Variants in BCL2L1 observed in about 807,000 individuals in gnomAD.
BCL2L1 encodes the protein BCL2 like 1, also known as bcl-2-like protein 1.
In BCL2L1, 1 loss-of-function variant was observed where a neutral mutation model predicts 18.7. The observed-to-expected ratio is 0.05, with a 90% CI of 0.02 to 0.25. The LOEUF (loss-of-function observed/expected upper bound fraction) is 0.25, where lower values mean the gene tolerates loss of function less well. Among genes scored for constraint, BCL2L1 ranks in the 10% least tolerant of loss-of-function variants. The pLI is 1.00. For synonymous variants in BCL2L1, 103 were observed against 122.7 expected (o/e 0.84, Z 1.06); for missense variants, 207 against 304.9 (o/e 0.68, Z 2.39).
intron 2 of BCL2L1, among the ~76,000 whole-genome samples, chr20:31,684,113 T>A (rs2060914753): frequency 6.6e-6 from 1 of 152,114 alleles, no homozygotes; most frequent in East Asian, 1.9e-4. Context: ...CAGTCCAGAA[T>A]GGCCCACAGG....
chr20:31,719,334 A>G (rs578176762), intron 2 of BCL2L1, among the ~76,000 whole-genome samples: 3 of 152,268 alleles, frequency 2.0e-5, no homozygotes, highest in African/African-American at 4.8e-5. Context: ...AGAATAGCCC[A>G]TAACTCCTAC....
intron 2 of BCL2L1, among the ~76,000 whole-genome samples, chr20:31,669,586 C>T (rs1220776172): frequency 2.0e-5 from 3 of 151,758 alleles, no homozygotes; most frequent in Non-Finnish European, 4.4e-5. Flanking sequence ...CCGAGTAGCG[C>T]CTGCCACCAC....
At chr20:31,674,417 A>C (rs2060723244) in intron 2 of BCL2L1, among the ~76,000 whole-genome samples, 1 of 152,200 alleles carries the variant, frequency 6.6e-6, no homozygotes, top group Non-Finnish European at 1.5e-5. Context: ...TACACCAGCA[A>C]TCTGGTTCAG....
At chr20:31,721,190 G>C (rs900711207) in intron 2 of BCL2L1, among the ~76,000 whole-genome samples, 1 of 152,236 alleles carries the variant, frequency 6.6e-6, no homozygotes, top group African/African-American at 2.4e-5. Flanking sequence ...ATTTGGGGGA[G>C]AGAAGCCCAG....
chr20:31,706,391 C>G (rs1231670201), intron 2 of BCL2L1, among the ~76,000 whole-genome samples: 1 of 152,176 alleles, frequency 6.6e-6, no homozygotes, highest in Non-Finnish European at 1.5e-5. Flanking sequence ...GGGAAAGACT[C>G]AGCATTTGCT....
At chr20:31,670,655 A>C (rs147233720) in intron 2 of BCL2L1, among the ~76,000 whole-genome samples, 1 of 152,152 alleles carries the variant, frequency 6.6e-6, no homozygotes, top group Non-Finnish European at 1.5e-5. Flanking sequence ...GGTCATGACA[A>C]CCTTCATTTC....
At chr20:31,689,650 T>C (rs1006294043) in intron 2 of BCL2L1, among the ~76,000 whole-genome samples, 6 of 151,656 alleles carry the variant, frequency 4.0e-5, no homozygotes, top group Non-Finnish European at 8.8e-5. Context: ...AAGACCACTT[T>C]ATCAGGAACT....
intron 2 of BCL2L1, among the ~76,000 whole-genome samples, chr20:31,708,198 A>G (rs2061399745): frequency 6.6e-6 from 1 of 152,168 alleles, no homozygotes; most frequent in Non-Finnish European, 1.5e-5. Context: ...GTGACTTCCC[A>G]TTTGTCACTC....
In BCL2L1 at chr20:31,697,892, G is replaced by GTTTTTTTTTGTTTGTTTGTTTT. The variant is rs1555871506; in HGVS notation, c.564+23762_564+23763insAAAACAAACAAACAAAAAAAAA. On this transcript the variant is annotated intron_variant, in intron 2 of 2. Coordinates refer to ENST00000307677, the MANE Select transcript of BCL2L1 (RefSeq NM_138578.3). The stretch of plus-strand genomic sequence containing the variant: ...AGAATCCTCAGCATGTGCTGTTGCT[G>GTTTTTTTTTGTTTGTTTGTTTT]TTTTTTTTTTTTTGAGACGGAGTCT... Among the ~76,000 whole-genome samples the GTTTTTTTTTGTTTGTTTGTTTT allele has an allele frequency of 9.5e-4, 123 of 129,654 alleles. 4 individuals are homozygous for GTTTTTTTTTGTTTGTTTGTTTT. The highest frequency in any genetic ancestry group is 3.3e-3 in the African/African-American group (102 of 30,512). The allele number at this position is 129,654 out of a possible 152,430, so 85.1% of individuals were successfully genotyped here.
chr20:31,723,922 G>A, upstream of BCL2L1: 1 of 985,438 alleles, frequency 1.0e-6, no homozygotes, highest in Non-Finnish European at 1.2e-6. Flanking sequence ...CCCCTGAAGA[G>A]ACAGGGGAAC....
intron 2 of BCL2L1, among the ~76,000 whole-genome samples, chr20:31,685,483 T>G (rs2060941365): frequency 6.6e-6 from 1 of 152,286 alleles, no homozygotes; most frequent in African/African-American, 2.4e-5. Context: ...CTGTTCTTAT[T>G]GTAAACCACT....
In BCL2L1 at chr20:31,665,852, G is replaced by T; in HGVS notation, c.*97C>A. On this transcript the variant is annotated 3_prime_UTR_variant, in exon 3 of 3. Coordinates refer to ENST00000307677, the MANE Select transcript of BCL2L1 (RefSeq NM_138578.3). ...TGTGATGGGCAGGTGGGCATGGGCT[G>T]CATGTAGTGGTTCTCCTGGTGGCAA... 6.7e-7 allele frequency: 1 copy of T among 1,501,730 alleles called. No homozygotes were observed. Among genetic ancestry groups the T allele is most frequent in the Non-Finnish European group, 9.1e-7 (1 of 1,100,418 alleles). 93.0% of individuals were successfully genotyped at this position (1,501,730 alleles called of 1,614,324 possible). A position where few individuals can be genotyped will look rare whatever the true frequency, so the allele number is the denominator to read the frequency against.
chr20:31,715,420 C>T (rs1011791299), intron 2 of BCL2L1, among the ~76,000 whole-genome samples: 2 of 152,144 alleles, frequency 1.3e-5, no homozygotes, highest in Non-Finnish European at 2.9e-5. Context: ...TTCCCCTTTG[C>T]TGTTTCTTCT....
Position 31,666,090 on chromosome 20 carries a change from C to A in BCL2L1, c.565-4G>T. ...CATAGAGTTCCACAAAAGTATCCTG[C>A]AGGGAGAGAGAAGGAAGGTGCAGTT... On this transcript the variant is annotated splice_region_variant and splice_polypyrimidine_tract_variant and intron_variant, in intron 2 of 2. Transcript: ENST00000307677. The A allele has an allele frequency of 6.2e-7, 1 of 1,613,868 alleles. No homozygotes were observed. The highest frequency in any genetic ancestry group is 8.5e-7 in the Non-Finnish European group (1 of 1,179,902).
At chr20:31,676,046 G>A (rs1034238811) in intron 2 of BCL2L1, among the ~76,000 whole-genome samples, 2 of 152,140 alleles carry the variant, frequency 1.3e-5, no homozygotes, top group African/African-American at 2.4e-5. Flanking sequence ...CTGGGGAATC[G>A]AGAAAGCTAT....
chr20:31,666,669 C>A (rs1045396327), intron 2 of BCL2L1, among the ~76,000 whole-genome samples: 3 of 151,968 alleles, frequency 2.0e-5, no homozygotes, highest in African/African-American at 7.3e-5. Flanking sequence ...GAGGCTCCTC[C>A]CTCTGGAGGG....
intron 2 of BCL2L1, among the ~76,000 whole-genome samples, chr20:31,696,589 T>C (rs1292447764): frequency 6.6e-6 from 1 of 152,200 alleles, no homozygotes; most frequent in Non-Finnish European, 1.5e-5. Flanking sequence ...ATGCACTGTA[T>C]ACATTTTGGC....
At chr20:31,680,582 T>C (rs2060841484) in intron 2 of BCL2L1, among the ~76,000 whole-genome samples, 3 of 152,220 alleles carry the variant, frequency 2.0e-5, no homozygotes, top group Admixed American at 1.3e-4. Context: ...TTTTCTAAGA[T>C]GGGACATGAC....
In BCL2L1 at chr20:31,721,691, G is replaced by C. The variant is rs745790964; in HGVS notation, c.528C>G (p.Asp176Glu). Residue 176 changes from aspartate to glutamate, a missense_variant, in exon 2 of 3, where the codon GAC (aspartate) becomes GAG (glutamate). Coordinates refer to ENST00000307677, the MANE Select transcript of BCL2L1 (RefSeq NM_138578.3). ...TCTCCTGGATCCAAGGCTCTAGGTG[G>C]TCATTCAGGTAAGTGGCCATCCAAG... Reference protein sequence around the residue: ...IAAWMATYLNDHLEPWIQENG... With the variant: ...IAAWMATYLNEHLEPWIQENG... 2.0e-5 allele frequency: 33 copies of C among 1,613,498 alleles called. No homozygotes were observed. Among genetic ancestry groups the C allele is most frequent in the Non-Finnish European group, 2.7e-5 (32 of 1,179,710 alleles).
Sources: allele counts gnomAD v4.1 joint callset (sites outside exome capture counted in the v4.1 genomes callset), GRCh38; gene constraint gnomAD v4.1.1; transcripts MANE v1.5; gene names NCBI Gene and HGNC (gene_info 2026-07-23, HGNC 2026-07-21).